CELF2: variants seen among roughly 807,000 people sequenced by gnomAD.
CELF2 encodes CUG triplet repeat RNA-binding protein 2.
A neutral mutation model predicts 62.6 loss-of-function variants in CELF2; 8 were observed. That is an observed-to-expected ratio of 0.13 (90% CI 0.07 to 0.23). The LOEUF (loss-of-function observed/expected upper bound fraction) is 0.23, where lower values mean the gene tolerates loss of function less well. CELF2 is among the 10% of genes least tolerant of loss of function. The pLI is 1.00. For synonymous variants in CELF2, 258 were observed against 250.0 expected (o/e 1.03, Z -0.30); for missense variants, 333 against 671.0 (o/e 0.50, Z 5.56).
chr10:10,583,298 A>T, the CELF2 span, among the ~76,000 whole-genome samples: 1 of 152,090 alleles, frequency 6.6e-6, no homozygotes, highest in Non-Finnish European at 1.5e-5. Flanking sequence ...GTCCTTCTTT[A>T]TGTCTATGTG....
chr10:11,100,132 A>G (rs1157310633), intron 1 of CELF2, among the ~76,000 whole-genome samples: 3 of 152,110 alleles, frequency 2.0e-5, no homozygotes, highest in African/African-American at 7.2e-5. Flanking sequence ...TGGACCCAGG[A>G]GGCAGAGGTT....
the CELF2 span, among the ~76,000 whole-genome samples, chr10:10,756,146 C>G: frequency 6.6e-6 from 1 of 152,184 alleles, no homozygotes; most frequent in Non-Finnish European, 1.5e-5. Context: ...TGAAATAGTA[C>G]AGGAAACATG....
chr10:11,120,849 G>C (rs1487895281), intron 1 of CELF2, among the ~76,000 whole-genome samples: 1 of 152,184 alleles, frequency 6.6e-6, no homozygotes, highest in African/African-American at 2.4e-5. Flanking sequence ...AGTTAGCGCT[G>C]AGGCTCTTAC....
chr10:11,209,598 G>T (rs2061301157), intron 2 of CELF2, among the ~76,000 whole-genome samples: 1 of 145,620 alleles, frequency 6.9e-6, no homozygotes, highest in Admixed American at 6.9e-5. Context: ...TTAATGCTAA[G>T]TTTTCTTGAA....
the CELF2 span, among the ~76,000 whole-genome samples, chr10:10,757,924 T>TG: frequency 9.9e-3 from 1,502 of 152,316 alleles, 32 homozygotes; most frequent in African/African-American, 0.035. Flanking sequence ...TAGGCCCCTA[T>TG]GGAACCACAC....
chr10:11,146,791 A>G (rs1596136882), intron 1 of CELF2, among the ~76,000 whole-genome samples: 1 of 152,262 alleles, frequency 6.6e-6, no homozygotes, highest in South Asian at 2.1e-4. Context: ...TGCATTTGCA[A>G]CTCATAGCCA....
chr10:10,566,419 AT>A, the CELF2 span, among the ~76,000 whole-genome samples: 14,188 of 136,458 alleles, frequency 0.1, 2,094 homozygotes, highest in African/African-American at 0.33. Context: ...TTTTTTTTTA[AT>A]TTTTTTTTTT....
At chr10:11,193,923 GAC>G (rs1175602588) in intron 2 of CELF2, among the ~76,000 whole-genome samples, 1 of 152,114 alleles carries the variant, frequency 6.6e-6, no homozygotes, top group Non-Finnish European at 1.5e-5. Flanking sequence ...TTTCTGATGA[GAC>G]AACTGAGATT....
the CELF2 span, among the ~76,000 whole-genome samples, chr10:10,676,823 G>A: frequency 6.6e-6 from 1 of 152,146 alleles, no homozygotes; most frequent in Admixed American, 6.5e-5. Context: ...TGTTATTAGG[G>A]GGGAGTGACA....
intron 1 of CELF2, among the ~76,000 whole-genome samples, chr10:10,861,253 T>C (rs2060032826): frequency 6.6e-6 from 1 of 152,150 alleles, no homozygotes; most frequent in Non-Finnish European, 1.5e-5. Context: ...TTTTAACTTC[T>C]TGTAGAGATG....
chr10:10,616,654 T>C, the CELF2 span, among the ~76,000 whole-genome samples: 2 of 149,632 alleles, frequency 1.3e-5, no homozygotes, highest in Non-Finnish European at 3.0e-5. Context: ...GGCAAAACAG[T>C]GCTTCCTCCT....
the CELF2 span, among the ~76,000 whole-genome samples, chr10:10,666,295 T>C: frequency 2.0e-5 from 3 of 152,142 alleles, no homozygotes; most frequent in Non-Finnish European, 4.4e-5. Flanking sequence ...GGGTGCTGTG[T>C]TGGCTCCGTG....
the CELF2 span, among the ~76,000 whole-genome samples, chr10:10,612,141 CCCA>C: frequency 6.6e-6 from 1 of 151,984 alleles, no homozygotes. Context: ...GGCTTTTATC[CCCA>C]CAATGGTCAG....
chr10:10,541,508 T>G, the CELF2 span, among the ~76,000 whole-genome samples: 3 of 152,232 alleles, frequency 2.0e-5, no homozygotes, highest in African/African-American at 7.2e-5. Context: ...CTTGATTACA[T>G]GCTAAACAAA....
At chr10:11,025,849 T>G (rs1564420841) in intron 1 of CELF2, among the ~76,000 whole-genome samples, 1 of 152,244 alleles carries the variant, frequency 6.6e-6, no homozygotes, top group Non-Finnish European at 1.5e-5. Context: ...GTATTTCAAC[T>G]CTTCTGCCCA....
Position 11,150,446 on chromosome 10 carries a change from A to T in CELF2, c.75-15040A>T, listed in dbSNP as rs147288602. Among the ~76,000 whole-genome samples, 316 of 152,352 alleles carry T rather than the reference A, an allele frequency of 2.1e-3. 3 individuals carry two copies. Among genetic ancestry groups the T allele is most frequent in the African/African-American group, 7.2e-3 (301 of 41,580 alleles). ...CTTGAATGACTTCATTGATTTGGGA[A>T]TTCCTGTTTAGTTTCTTTTGTTTGA... On this transcript the variant is annotated intron_variant, in intron 1 of 12. Transcript: ENST00000633077.
chr10:10,772,416 A>T, the CELF2 span, among the ~76,000 whole-genome samples: 5 of 152,232 alleles, frequency 3.3e-5, no homozygotes, highest in African/African-American at 4.8e-5. Context: ...TACTTTTTCA[A>T]ATGTTTAAAA....
At chr10:10,599,424 T>C in the CELF2 span, among the ~76,000 whole-genome samples, 2 of 152,164 alleles carry the variant, frequency 1.3e-5, no homozygotes. Context: ...ACTTGGTAAA[T>C]ATTAAAAATT....
At chr10:11,216,203 T>G (rs1167369431) in intron 2 of CELF2, among the ~76,000 whole-genome samples, 1 of 152,224 alleles carries the variant, frequency 6.6e-6, no homozygotes, top group African/African-American at 2.4e-5. Flanking sequence ...GTCAGTAGAC[T>G]CTAACTAAAT....
Sources: gnomAD v4.1 joint callset for allele counts (sites outside exome capture counted in the v4.1 genomes callset) on GRCh38, gnomAD v4.1.1 for gene constraint, MANE v1.5 for transcripts, NCBI Gene and HGNC (gene_info 2026-07-23, HGNC 2026-07-21) for gene names.